The following PIEZO2 variants were observed in gnomAD, a reference collection of about 807,000 sequenced individuals.
PIEZO2 encodes the protein piezo-type mechanosensitive ion channel component 2.
In PIEZO2, 172 loss-of-function variants were observed where a neutral mutation model predicts 337.3. That is an observed-to-expected ratio of 0.51 (90% CI 0.45 to 0.58). The LOEUF (loss-of-function observed/expected upper bound fraction) is 0.58, where lower values mean the gene tolerates loss of function less well. PIEZO2 is among the 20% of genes least tolerant of loss of function. PIEZO2 has a pLI of 0.00. For missense variants in PIEZO2, 3,028 were observed against 3,391.3 expected, an observed-to-expected ratio of 0.89 and a Z score of 2.66; for synonymous variants, 1,251 against 1,228.5, an observed-to-expected ratio of 1.02 and a Z score of -0.38.
In PIEZO2 at chr18:10,819,649, T is replaced by G. The variant is rs770372915; in HGVS notation, c.918-12375A>C. On this transcript the variant is annotated intron_variant, in intron 7 of 55. Coordinates refer to ENST00000674853, the MANE Select transcript of PIEZO2 (RefSeq NM_001378183.1). This position sits in a 1 kb window ranked among gnomAD's most constrained non-coding sequence, Gnocchi z 4.3. ...TGTTGTTCTCAATGCATCATCGGTG[T>G]TCACCTTCATGCTTGTTCTCTCACG... is the stretch of plus-strand genomic sequence containing the variant. 6.6e-5 allele frequency among the ~76,000 whole-genome samples: 10 copies of G among 152,202 alleles called. No homozygotes were observed. The highest frequency in any genetic ancestry group is 1.2e-4 in the Non-Finnish European group (8 of 68,030).
At chr18:10,809,260 C>CTTTTTTTTTTTTTTTTT (rs869210659) in intron 7 of PIEZO2, among the ~76,000 whole-genome samples, 6 of 65,832 alleles carry the variant, frequency 9.1e-5, no homozygotes, top group African/African-American at 3.5e-4. Flanking sequence ...CTCTCTCTCT[C>CTTTTTTTTTTTTTTTTT]TTTTTTTTTT....
Position 10,736,689 on chromosome 18 carries a change from T to C in PIEZO2, c.4730A>G (p.Tyr1577Cys), listed in dbSNP as rs1210651799. The change falls in exon 34 of 56, where the codon TAT becomes TGT. Residue 1577 changes from tyrosine to cysteine, a missense_variant. Around this residue, in one of 5 missense-constraint regions of PIEZO2, gnomAD observed 1,925 missense variants for 2,051.9 expected, o/e 0.94. Transcript: ENST00000674853. The stretch of plus-strand genomic sequence containing the variant: ...CTCTTCACTATCCGTTTCAAACAAA[T>C]AATAATCTCCACTCCTGACCACTAA... Reference protein sequence around the residue: ...HASMVRSGDYYLFETDSEEEE... With the variant: ...HASMVRSGDYCLFETDSEEEE... The C allele has an allele frequency of 6.5e-7, 1 of 1,536,972 alleles. No individual in the cohort carries two copies. The highest frequency in any genetic ancestry group is 8.7e-7 in the Non-Finnish European group (1 of 1,146,798).
intron 3 of PIEZO2, among the ~76,000 whole-genome samples, chr18:10,946,199 T>C (rs1340272280): frequency 6.6e-6 from 1 of 151,792 alleles, no homozygotes; most frequent in African/African-American, 2.4e-5. Flanking sequence ...CAATGAAAAA[T>C]AGAAAATCTT....
intron 1 of PIEZO2, among the ~76,000 whole-genome samples, chr18:11,113,694 T>A (rs1187879962): frequency 6.6e-6 from 1 of 152,320 alleles, no homozygotes; most frequent in Middle Eastern, 3.4e-3. Flanking sequence ...ATTTTTTATT[T>A]GACAAAAGGA....
At chr18:10,785,942 C>T (rs1001528868) in intron 16 of PIEZO2, among the ~76,000 whole-genome samples, 3 of 152,082 alleles carry the variant, frequency 2.0e-5, no homozygotes, top group Non-Finnish European at 4.4e-5. Flanking sequence ...GAATTCTCCC[C>T]ACTCTTCGCT....
Position 11,058,652 on chromosome 18 carries a change from A to T in PIEZO2, c.160+7475T>A, listed in dbSNP as rs149257523. Among the ~76,000 whole-genome samples the T allele has an allele frequency of 6.5e-3, 993 of 152,318 alleles. 8 individuals carry two copies. The highest frequency in any genetic ancestry group is 0.022 in the African/African-American group (894 of 41,570). On this transcript the variant is annotated intron_variant, in intron 2 of 55. Coordinates refer to ENST00000674853, the MANE Select transcript of PIEZO2 (RefSeq NM_001378183.1). The stretch of plus-strand genomic sequence containing the variant: ...TGCACAAGCTTCAGTAGCCAATTTG[A>T]TCAACTGGAAGAAAGGGTATCGGTG...
At chr18:10,868,359 T>A (rs544561147) in intron 5 of PIEZO2, among the ~76,000 whole-genome samples, 1 of 152,222 alleles carries the variant, frequency 6.6e-6, no homozygotes, top group Non-Finnish European at 1.5e-5. Flanking sequence ...ATAAATTCCC[T>A]GCTTATTTTG....
chr18:10,984,404 C>T (rs2034790035), intron 2 of PIEZO2, among the ~76,000 whole-genome samples: 1 of 151,312 alleles, frequency 6.6e-6, no homozygotes, highest in African/African-American at 2.4e-5. Context: ...AAGAAAGAAC[C>T]AAACAAAAAT....
chr18:10,971,079 C>T (rs1035822500), intron 3 of PIEZO2, among the ~76,000 whole-genome samples: 1 of 152,164 alleles, frequency 6.6e-6, no homozygotes, highest in Admixed American at 6.5e-5. Flanking sequence ...CATGACCAGA[C>T]ACTGATGCTA....
intron 2 of PIEZO2, among the ~76,000 whole-genome samples, chr18:11,020,694 G>T (rs2036279457): frequency 6.6e-6 from 1 of 152,140 alleles, no homozygotes; most frequent in Non-Finnish European, 1.5e-5. Context: ...GAAGGGACAG[G>T]CAAAATGACA....
chr18:10,918,997 C>A (rs906931949), intron 3 of PIEZO2, among the ~76,000 whole-genome samples: 1 of 151,932 alleles, frequency 6.6e-6, no homozygotes, highest in East Asian at 1.9e-4. Flanking sequence ...TTTTGATTAA[C>A]GCTACCAAAA....
At chr18:10,685,650 G>A (rs1009941280) in intron 49 of PIEZO2, among the ~76,000 whole-genome samples, 14 of 152,146 alleles carry the variant, frequency 9.2e-5, no homozygotes, top group African/African-American at 3.1e-4. Context: ...CAACAAACAC[G>A]GTCTTGCATC....
intron 3 of PIEZO2, among the ~76,000 whole-genome samples, chr18:10,960,919 C>G (rs1257114599): frequency 6.6e-6 from 1 of 152,142 alleles, no homozygotes; most frequent in Non-Finnish European, 1.5e-5. Context: ...TGGCTCATGC[C>G]TGTAATCCCA....
intron 7 of PIEZO2, among the ~76,000 whole-genome samples, chr18:10,826,330 TA>T (rs1197993813): frequency 6.6e-6 from 1 of 152,244 alleles, no homozygotes; most frequent in Non-Finnish European, 1.5e-5. Flanking sequence ...TATGAGTTCC[TA>T]ATGATGACTC....
chr18:11,081,212 A>G (rs1598929240), intron 1 of PIEZO2, among the ~76,000 whole-genome samples: 1 of 152,210 alleles, frequency 6.6e-6, no homozygotes, highest in African/African-American at 2.4e-5. Flanking sequence ...TTACAAATAC[A>G]TTCAATGCAA....
intron 22 of PIEZO2, 45 bp from the exon 23 acceptor site, chr18:10,762,670 T>A (rs1568030198): frequency 6.6e-7 from 1 of 1,525,740 alleles, no homozygotes; most frequent in Non-Finnish European, 8.8e-7. Context: ...GCTCCACAGA[T>A]TAGGAGAGCT....
At chr18:10,921,642 C>A (rs1405529929) in intron 3 of PIEZO2, among the ~76,000 whole-genome samples, 1 of 152,078 alleles carries the variant, frequency 6.6e-6, no homozygotes, top group Non-Finnish European at 1.5e-5. Context: ...GAAAAAAGAG[C>A]AGGATAACAG....
chr18:10,672,838 T>C lies in PIEZO2; in HGVS notation c.8197A>G (p.Arg2733Gly), dbSNP rs2033839162. The C allele has an allele frequency of 6.2e-7, 1 of 1,608,750 alleles. No individual in the cohort carries two copies. The highest frequency in any genetic ancestry group is 1.7e-5 in the Admixed American group (1 of 58,800). Reference sequence around the variant, plus strand: ...CTGTTATATTTAGTTGTATTGTCTCTGGACAAAATGATGGTAATATCCATG... The same window carrying C: ...CTGTTATATTTAGTTGTATTGTCTCCGGACAAAATGATGGTAATATCCATG... ...NFMDITIILS[R>G]DNTTKYNSEW... The change falls in exon 55 of 56, where the codon AGA becomes GGA. Residue 2733 changes from arginine to glycine, a missense_variant. Physicochemically the swap from Arg to Gly is moderately radical, Grantham distance 125. Coordinates refer to ENST00000674853, the MANE Select transcript of PIEZO2 (RefSeq NM_001378183.1). This position sits in a 1 kb window ranked among gnomAD's most constrained non-coding sequence, Gnocchi z 4.7.
intron 3 of PIEZO2, among the ~76,000 whole-genome samples, chr18:10,974,952 G>A (rs264231): frequency 3.3e-5 from 5 of 152,020 alleles, no homozygotes; most frequent in African/African-American, 1.2e-4. Context: ...GAGCACAGGG[G>A]TCCAGCTGCA....
Sources: allele counts gnomAD v4.1 joint callset (sites outside exome capture counted in the v4.1 genomes callset), GRCh38; gene constraint gnomAD v4.1.1; regional missense constraint gnomAD v4.1.1; non-coding constraint Gnocchi (gnomAD v3.1); transcripts MANE v1.5; gene names NCBI Gene and HGNC (gene_info 2026-07-23, HGNC 2026-07-21).